The following COLEC12 variants were observed in gnomAD, a reference collection of about 807,000 sequenced individuals.
COLEC12 encodes collectin subfamily member 12.
In COLEC12, 33 loss-of-function variants were observed where a neutral mutation model predicts 71.1. The observed-to-expected ratio is 0.46, with a 90% CI of 0.35 to 0.62. COLEC12 has a LOEUF of 0.62. Ranked by LOEUF, COLEC12 falls within the 20% of genes least tolerant of loss-of-function variation. The pLI is 0.00. For synonymous variants in COLEC12, 350 were observed against 353.0 expected (o/e 0.99, Z 0.10); for missense variants, 765 against 916.1 (o/e 0.84, Z 2.13).
At chr18:451,717 A>G (rs564346865) in intron 2 of COLEC12, among the ~76,000 whole-genome samples, 3 of 152,158 alleles carry the variant, frequency 2.0e-5, no homozygotes, top group East Asian at 3.9e-4. Flanking sequence ...ACTGCACTCC[A>G]GCCTGGACAA....
At chr18:324,051 G>A (rs922903064) in intron 8 of COLEC12, among the ~76,000 whole-genome samples, 5 of 151,984 alleles carry the variant, frequency 3.3e-5, no homozygotes, top group Admixed American at 1.3e-4. Context: ...GGCCATAAGC[G>A]GAGGTGACTG....
chr18:449,690 C>G (rs1212798490), intron 2 of COLEC12, among the ~76,000 whole-genome samples: 1 of 152,234 alleles, frequency 6.6e-6, no homozygotes, highest in Non-Finnish European at 1.5e-5. Context: ...CGAGGCCACA[C>G]AGTCCGGGCG....
At chr18:382,496 C>A (rs564434356) in intron 2 of COLEC12, among the ~76,000 whole-genome samples, 7 of 152,096 alleles carry the variant, frequency 4.6e-5, no homozygotes, top group Non-Finnish European at 7.3e-5. Flanking sequence ...TTGAAAACGA[C>A]TTTGAAAGGC....
chr18:480,807 G>A lies in COLEC12; in HGVS notation c.8-50C>T, dbSNP rs752705402. 1.3e-6 allele frequency: 2 copies of A among 1,523,382 alleles called. No homozygotes were observed. Among genetic ancestry groups the A allele is most frequent in the Non-Finnish European group, 9.1e-7 (1 of 1,097,274 alleles). 94.4% of individuals were successfully genotyped at this position (1,523,382 alleles called of 1,614,324 possible). A position where few individuals can be genotyped will look rare whatever the true frequency, so the allele number is the denominator to read the frequency against. ...GTTAATCCTGGCAAGGGGCACAGAA[G>A]CAGAGGGTGGGGCAGGATGCGACCT... On this transcript the variant is annotated intron_variant, in intron 1 of 9. Coordinates refer to ENST00000400256, the MANE Select transcript of COLEC12 (RefSeq NM_130386.3). This position sits in a 1 kb window ranked among gnomAD's most constrained non-coding sequence, Gnocchi z 4.1.
intron 2 of COLEC12, among the ~76,000 whole-genome samples, chr18:464,072 C>T (rs141790908): frequency 1.6e-4 from 25 of 152,280 alleles, no homozygotes; most frequent in Middle Eastern, 3.4e-3. Flanking sequence ...TGCCTGTCCG[C>T]GTGTGCTCAC....
intron 8 of COLEC12, 85 bp from the exon 9 acceptor site, chr18:321,892 AC>A (rs1240099356): frequency 1.5e-6 from 2 of 1,304,206 alleles, no homozygotes; most frequent in East Asian, 4.6e-5. Flanking sequence ...ATATAAAAAA[AC>A]AAAATTGAAG....
intron 1 of COLEC12, among the ~76,000 whole-genome samples, chr18:496,825 C>T (rs2143799087): frequency 6.6e-6 from 1 of 152,292 alleles, no homozygotes; most frequent in South Asian, 2.1e-4. Flanking sequence ...TTGGTTGTCT[C>T]TTAGGCAACA....
chr18:378,157 A>T (rs573554709), intron 2 of COLEC12, among the ~76,000 whole-genome samples: 1 of 152,218 alleles, frequency 6.6e-6, no homozygotes, highest in South Asian at 2.1e-4. Flanking sequence ...AGAGACATTT[A>T]AAAAAATACC....
At chr18:356,088 T>G (rs995906096) in intron 3 of COLEC12, among the ~76,000 whole-genome samples, 19 of 152,270 alleles carry the variant, frequency 1.2e-4, no homozygotes, top group African/African-American at 4.3e-4. Flanking sequence ...CCGACTGTAC[T>G]GAGGATGTTT....
In COLEC12 at chr18:477,322, C is replaced by G. The variant is rs1364950532; in HGVS notation, c.58+3385G>C. Among the ~76,000 whole-genome samples, 4 of 152,334 alleles carry G rather than the reference C, an allele frequency of 2.6e-5. No homozygotes were observed. In the East Asian group the frequency reaches 7.7e-4, roughly 29 times the overall value. On this transcript the variant is annotated intron_variant, in intron 2 of 9. Coordinates refer to ENST00000400256, the MANE Select transcript of COLEC12 (RefSeq NM_130386.3). ...ATATGAATAACTTCAGAAACAGGCC[C>G]ACCCAGTAGTGATTTGCTAAAACAA...
At chr18:335,790 C>A (rs1385706884) in intron 5 of COLEC12, among the ~76,000 whole-genome samples, 2 of 152,226 alleles carry the variant, frequency 1.3e-5, no homozygotes, top group Middle Eastern at 3.2e-3. Flanking sequence ...GTGTGTTCTT[C>A]AGTAAGCTCA....
chr18:451,768 G>C (rs373776642), intron 2 of COLEC12, among the ~76,000 whole-genome samples: 3 of 152,022 alleles, frequency 2.0e-5, no homozygotes, highest in Middle Eastern at 3.4e-3. Context: ...GAAATGACCT[G>C]AAATTGAAAC....
intron 2 of COLEC12, among the ~76,000 whole-genome samples, chr18:463,701 G>A (rs555328428): frequency 2.6e-5 from 4 of 152,192 alleles, no homozygotes; most frequent in East Asian, 3.9e-4. Flanking sequence ...CTTGTCTTTC[G>A]TATCTTTCTT....
At chr18:493,569 T>C (rs1480786899) in intron 1 of COLEC12, among the ~76,000 whole-genome samples, 1 of 152,236 alleles carries the variant, frequency 6.6e-6, no homozygotes, top group African/African-American at 2.4e-5. Flanking sequence ...TGGATTCCAG[T>C]TGTTTACGCA....
intron 2 of COLEC12, among the ~76,000 whole-genome samples, chr18:412,295 G>A (rs1598355246): frequency 6.6e-6 from 1 of 152,142 alleles, no homozygotes; most frequent in Admixed American, 6.5e-5. Context: ...ATGGAAGCCA[G>A]AAGGAAGAGG....
intron 2 of COLEC12, among the ~76,000 whole-genome samples, chr18:457,877 C>T (rs559129684): frequency 1.3e-5 from 2 of 152,266 alleles, no homozygotes; most frequent in South Asian, 2.1e-4. Flanking sequence ...GAGGAGACGG[C>T]GTATCTTACT....
intron 5 of COLEC12, among the ~76,000 whole-genome samples, chr18:345,319 T>C (rs1170907090): frequency 6.6e-6 from 1 of 152,228 alleles, no homozygotes; most frequent in Non-Finnish European, 1.5e-5. Flanking sequence ...TCAAGGACTT[T>C]TAATTTATAT....
chr18:366,698 G>T (rs73356509), intron 2 of COLEC12, among the ~76,000 whole-genome samples: 3,550 of 152,282 alleles, frequency 0.023, 156 homozygotes, highest in African/African-American at 0.078. Context: ...TGGGAAGTGG[G>T]CCCTCGCTTC....
chr18:347,488 T>C, intron 4 of COLEC12, 147 bp from the exon 5 acceptor site: 1 of 624,664 alleles, frequency 1.6e-6, no homozygotes, highest in Non-Finnish European at 2.8e-6. Context: ...ATTAGTAAAA[T>C]GTACATATCT....
Sources: allele counts gnomAD v4.1 joint callset (sites outside exome capture counted in the v4.1 genomes callset), GRCh38; gene constraint gnomAD v4.1.1; non-coding constraint Gnocchi (gnomAD v3.1); transcripts MANE v1.5; gene names NCBI Gene and HGNC (gene_info 2026-07-23, HGNC 2026-07-21).